The following PDS5B variants were observed in gnomAD, a reference collection of about 807,000 sequenced individuals.
PDS5B encodes the protein sister chromatid cohesion protein PDS5 homolog B.
In PDS5B, 51 loss-of-function variants were observed where a neutral mutation model predicts 184.1. The ratio of observed to expected loss-of-function variants is 0.28; its 90% CI spans 0.22 to 0.35. The LOEUF (loss-of-function observed/expected upper bound fraction) is 0.35, where lower values mean the gene tolerates loss of function less well. PDS5B is among the 10% of genes least tolerant of loss of function. The pLI, the probability that PDS5B is intolerant of heterozygous loss-of-function variation, is 1.00. For synonymous variants in PDS5B, 566 were observed against 569.2 expected, an observed-to-expected ratio of 0.99 and a Z score of 0.08; for missense variants, 1,180 against 1,723.3, an observed-to-expected ratio of 0.68 and a Z score of 5.58.
At chr13:32,665,796 G>A (rs949548770) in intron 6 of PDS5B, among the ~76,000 whole-genome samples, 9 of 152,002 alleles carry the variant, frequency 5.9e-5, no homozygotes, top group African/African-American at 2.2e-4. Flanking sequence ...AGAAATTGTG[G>A]TATATGTATA....
intron 26 of PDS5B, among the ~76,000 whole-genome samples, chr13:32,756,574 T>C (rs1218657350): frequency 1.3e-5 from 2 of 152,218 alleles, no homozygotes; most frequent in South Asian, 2.1e-4. Flanking sequence ...CATAATTCTT[T>C]AAATAAGCTC....
At chr13:32,732,871 G>T (rs1953173485) in intron 20 of PDS5B, among the ~76,000 whole-genome samples, 1 of 152,088 alleles carries the variant, frequency 6.6e-6, no homozygotes, top group Non-Finnish European at 1.5e-5. Flanking sequence ...CTTGAGTAGA[G>T]TCAAAACAAT....
intron 15 of PDS5B, among the ~76,000 whole-genome samples, chr13:32,698,739 G>T (rs1490529031): frequency 6.6e-6 from 1 of 151,048 alleles, no homozygotes; most frequent in Non-Finnish European, 1.5e-5. Flanking sequence ...CTACTATTTC[G>T]ATAGTCCACA....
intron 19 of PDS5B, among the ~76,000 whole-genome samples, chr13:32,710,880 CT>C (rs1952182495): frequency 6.6e-6 from 1 of 152,182 alleles, no homozygotes; most frequent in African/African-American, 2.4e-5. Flanking sequence ...GGGAGTAAAG[CT>C]AGCTCGCAAT....
chr13:32,735,349 AT>A lies in PDS5B; in HGVS notation c.2406+21del. 8 of 1,568,860 alleles carry A rather than the reference AT, an allele frequency of 5.1e-6. No homozygotes were observed. The highest frequency in any genetic ancestry group is 5.2e-6 in the Non-Finnish European group (6 of 1,147,792). On this transcript the variant is annotated intron_variant, in intron 21 of 34. Transcript: ENST00000315596. ...TGATCGGGTAATTTATATTTTTTAG[AT>A]TCATGTTCTTTGTAATGTTAACTTT...
chr13:32,741,047 C>CTTG (rs751687097), intron 21 of PDS5B, 33 bp from the exon 22 acceptor site: 2 of 737,036 alleles, frequency 2.7e-6, no homozygotes, highest in Non-Finnish European at 4.3e-6. Flanking sequence ...TTTTAAAGTC[C>CTTG]CTGGTTTTTT....
intron 25 of PDS5B, among the ~76,000 whole-genome samples, chr13:32,755,271 C>A (rs935526028): frequency 6.6e-6 from 1 of 152,116 alleles, no homozygotes; most frequent in African/African-American, 2.4e-5. Flanking sequence ...TTTATCTCAG[C>A]CAACATACAA....
rs553076921 is a variant in PDS5B at position 32,720,789 on chromosome 13, G to C, written c.2123+10683G>C. Among the ~76,000 whole-genome samples the C allele has an allele frequency of 3.3e-5, 5 of 151,868 alleles. No homozygotes were observed. In the South Asian group the frequency reaches 1.0e-3, roughly 32 times the overall value. On this transcript the variant is annotated intron_variant, in intron 19 of 34. Transcript: ENST00000315596. ...GGTTTTCCTAGGCAGAGGACCCTGCGGCCTTCCGCAGTGTTTGTGTCCCTG... is the reference window on the plus strand; with the variant it reads ...GGTTTTCCTAGGCAGAGGACCCTGCCGCCTTCCGCAGTGTTTGTGTCCCTG...
chr13:32,610,787 A>C (rs2058129097), intron 1 of PDS5B, among the ~76,000 whole-genome samples: 1 of 152,158 alleles, frequency 6.6e-6, no homozygotes, highest in Non-Finnish European at 1.5e-5. Flanking sequence ...TCTAGGAAAG[A>C]GATTACTTAC....
At chr13:32,667,488 C>G (rs1191453172) in intron 6 of PDS5B, among the ~76,000 whole-genome samples, 3 of 152,114 alleles carry the variant, frequency 2.0e-5, no homozygotes, top group African/African-American at 7.2e-5. Context: ...TCTAGAGTGA[C>G]TCTATCTAAT....
At chr13:32,694,898 A>G (rs1479534176) in intron 14 of PDS5B, among the ~76,000 whole-genome samples, 1 of 151,114 alleles carries the variant, frequency 6.6e-6, no homozygotes, top group African/African-American at 2.4e-5. Flanking sequence ...GGCATAATTC[A>G]TCTAAAAAGC....
At chr13:32,644,752 C>T (rs1056278708) in intron 1 of PDS5B, among the ~76,000 whole-genome samples, 1 of 151,896 alleles carries the variant, frequency 6.6e-6, no homozygotes, top group African/African-American at 2.4e-5. Flanking sequence ...TTTCTTGTTT[C>T]GTTTTTGTTT....
At chr13:32,718,968 G>A (rs925463489) in intron 19 of PDS5B, among the ~76,000 whole-genome samples, 1 of 152,140 alleles carries the variant, frequency 6.6e-6, no homozygotes, top group Non-Finnish European at 1.5e-5. Flanking sequence ...AGTTTTGAAA[G>A]GAAAATAGAC....
intron 16 of PDS5B, among the ~76,000 whole-genome samples, chr13:32,700,411 G>C (rs1388852026): frequency 6.6e-6 from 1 of 151,814 alleles, no homozygotes; most frequent in Non-Finnish European, 1.5e-5. Flanking sequence ...CAACAATATT[G>C]GTCAGTATCA....
At chr13:32,635,422 C>T (rs181268842) in intron 1 of PDS5B, among the ~76,000 whole-genome samples, 6 of 145,658 alleles carry the variant, frequency 4.1e-5, no homozygotes, top group African/African-American at 1.3e-4. Flanking sequence ...TGGCTCACTA[C>T]AACCTCCGCC....
chr13:32,678,497 A>G (rs752202201), intron 9 of PDS5B, among the ~76,000 whole-genome samples: 1 of 152,152 alleles, frequency 6.6e-6, no homozygotes, highest in Admixed American at 6.5e-5. Flanking sequence ...GTTTCTATGA[A>G]CTATATATGC....
chr13:32,619,939 C>T (rs560803591), intron 1 of PDS5B, among the ~76,000 whole-genome samples: 81 of 152,176 alleles, frequency 5.3e-4, no homozygotes, highest in Admixed American at 5.2e-3. Context: ...GCTGGGATTA[C>T]AGGGGCCCGC....
chr13:32,656,273 CT>C (rs71071057), intron 3 of PDS5B, among the ~76,000 whole-genome samples: 3,925 of 96,688 alleles, frequency 0.041, 73 homozygotes, highest in African/African-American at 0.14. Flanking sequence ...TCTCCAGCTT[CT>C]TTTTTTTTTT....
intron 14 of PDS5B, among the ~76,000 whole-genome samples, chr13:32,695,935 A>G (rs938427929): frequency 5.3e-5 from 8 of 152,088 alleles, no homozygotes; most frequent in Non-Finnish European, 1.2e-4. Context: ...TGGAGTTCTC[A>G]TTCATGTGTG....
Sources: allele counts gnomAD v4.1 joint callset (sites outside exome capture counted in the v4.1 genomes callset), GRCh38; gene constraint gnomAD v4.1.1; transcripts MANE v1.5; gene names NCBI Gene and HGNC (gene_info 2026-07-23, HGNC 2026-07-21).